The following NR3C2 variants were observed in gnomAD, a reference collection of about 807,000 sequenced individuals.
NR3C2 encodes nuclear receptor subfamily 3 group C member 2.
NR3C2 carries 15 observed loss-of-function variants against 86.4 expected under a neutral mutation model. That is an observed-to-expected ratio of 0.17 (90% CI 0.12 to 0.27). The LOEUF is 0.27. Among genes scored for constraint, NR3C2 ranks in the 10% least tolerant of loss-of-function variants. NR3C2 has a pLI of 1.00. For missense variants in NR3C2, 960 were observed against 1,195.6 expected, an observed-to-expected ratio of 0.80 and a Z score of 2.91; for synonymous variants, 458 against 450.5, an observed-to-expected ratio of 1.02 and a Z score of -0.21.
rs61763136 is a variant in NR3C2, at chr4:148,079,891, C to T, written c.*1453G>A. Reference sequence around the variant, plus strand: ...GCCATGATCTGTGCGTTCCTGTGACCGGTTCCAGGAGTGCAGAACCTCTTT... The same window carrying T: ...GCCATGATCTGTGCGTTCCTGTGACTGGTTCCAGGAGTGCAGAACCTCTTT... On this transcript the variant is annotated 3_prime_UTR_variant, in exon 9 of 9. Coordinates refer to ENST00000358102, the MANE Select transcript of NR3C2 (RefSeq NM_000901.5). 1.3e-5 allele frequency: 2 copies of T among 152,526 alleles called. No individual in the cohort carries two copies. Among genetic ancestry groups the T allele is most frequent in the East Asian group, 1.9e-4 (1 of 5,184 alleles). 9.4% of individuals were successfully genotyped at this position (152,526 alleles called of 1,614,324 possible).
At chr4:148,408,589 T>C (rs1231443704) in intron 2 of NR3C2, among the ~76,000 whole-genome samples, 1 of 152,190 alleles carries the variant, frequency 6.6e-6, no homozygotes, top group Non-Finnish European at 1.5e-5. Flanking sequence ...AATTCAAAGA[T>C]ACTTTCTTTT....
At chr4:148,333,370 AAAAC>A (rs201031744) in intron 2 of NR3C2, among the ~76,000 whole-genome samples, 3,480 of 152,266 alleles carry the variant, frequency 0.023, 139 homozygotes, top group African/African-American at 0.079. Flanking sequence ...ATTCCTAGGA[AAAAC>A]AAACAAACAA....
At chr4:148,363,097 C>T (rs116535151) in intron 2 of NR3C2, among the ~76,000 whole-genome samples, 1,594 of 152,274 alleles carry the variant, frequency 0.01, 24 homozygotes, top group African/African-American at 0.036. Context: ...GGAGAGGACA[C>T]TGCTTTAAAC....
chr4:148,370,873 TG>T (rs1746384910), intron 2 of NR3C2, among the ~76,000 whole-genome samples: 2 of 152,008 alleles, frequency 1.3e-5, no homozygotes, highest in South Asian at 4.2e-4. Context: ...CAATAAGAGA[TG>T]GAAGTTTCTC....
chr4:148,088,220 T>C (rs1410968853), intron 8 of NR3C2, among the ~76,000 whole-genome samples: 1 of 152,208 alleles, frequency 6.6e-6, no homozygotes, highest in Non-Finnish European at 1.5e-5. Context: ...AAACAACAGA[T>C]GCTGGAAAGG....
intron 2 of NR3C2, among the ~76,000 whole-genome samples, chr4:148,363,233 A>T (rs1745929719): frequency 2.6e-5 from 4 of 152,172 alleles, no homozygotes; most frequent in Admixed American, 2.6e-4. Flanking sequence ...TTGCTTTTGT[A>T]TTCTTTTCTG....
At chr4:148,401,421 G>A (rs1579254836) in intron 2 of NR3C2, among the ~76,000 whole-genome samples, 1 of 150,616 alleles carries the variant, frequency 6.6e-6, no homozygotes, top group African/African-American at 2.4e-5. Flanking sequence ...TCTAAATGAT[G>A]CAAGCAGGAG....
At chr4:148,443,413 G>C (rs1169172798), upstream of NR3C2, among the ~76,000 whole-genome samples, 1 of 151,840 alleles carries the variant, frequency 6.6e-6, no homozygotes, top group Non-Finnish European at 1.5e-5. Context: ...CGTTATAATG[G>C]GTGGAGGGGG....
intron 6 of NR3C2, among the ~76,000 whole-genome samples, chr4:148,151,697 C>A (rs1734109515): frequency 6.6e-6 from 1 of 152,186 alleles, no homozygotes; most frequent in African/African-American, 2.4e-5. Context: ...CCTACTGAAA[C>A]CCCTGTTTTC....
chr4:148,324,082 CA>C (rs749526672), intron 2 of NR3C2, among the ~76,000 whole-genome samples: 5 of 152,000 alleles, frequency 3.3e-5, no homozygotes, highest in Non-Finnish European at 7.4e-5. Context: ...CATCATCTAC[CA>C]CCATCACATT....
intron 8 of NR3C2, among the ~76,000 whole-genome samples, chr4:148,091,562 C>A (rs969474104): frequency 1.3e-5 from 2 of 152,238 alleles, no homozygotes; most frequent in Non-Finnish European, 2.9e-5. Flanking sequence ...AGCATGGATA[C>A]TGACCAGCCA....
At chr4:148,264,216 A>G (rs1740264452) in intron 2 of NR3C2, among the ~76,000 whole-genome samples, 1 of 152,230 alleles carries the variant, frequency 6.6e-6, no homozygotes, top group Admixed American at 6.5e-5. Flanking sequence ...AACACAAGAG[A>G]CAGGTCACAA....
At chr4:148,416,156 G>T (rs1748985570) in intron 2 of NR3C2, among the ~76,000 whole-genome samples, 1 of 151,854 alleles carries the variant, frequency 6.6e-6, no homozygotes. Context: ...TTGGCTAATC[G>T]CCAATTCACT....
chr4:148,363,473 G>A (rs116121008), intron 2 of NR3C2, among the ~76,000 whole-genome samples: 1,604 of 134,880 alleles, frequency 0.012, 28 homozygotes, highest in African/African-American at 0.04. Context: ...AGCACTACTC[G>A]TAACCATTAA....
At chr4:148,387,447 T>C (rs767034974) in intron 2 of NR3C2, among the ~76,000 whole-genome samples, 66 of 152,216 alleles carry the variant, frequency 4.3e-4, no homozygotes, top group Admixed American at 2.0e-3. Flanking sequence ...TACATACAGC[T>C]GGAATTATTT....
At chr4:148,134,640 TC>T (rs1733199444) in intron 6 of NR3C2, among the ~76,000 whole-genome samples, 11 of 114,376 alleles carry the variant, frequency 9.6e-5, no homozygotes, top group African/African-American at 1.2e-4. Context: ...TCTCTCTCTC[TC>T]TCTTTTTTTT....
At chr4:148,110,509 C>T (rs1446272418) in intron 8 of NR3C2, among the ~76,000 whole-genome samples, 4 of 152,080 alleles carry the variant, frequency 2.6e-5, no homozygotes, top group African/African-American at 9.7e-5. Flanking sequence ...AAGAAAATTC[C>T]ACAACTGTTG....
At chr4:148,346,134 G>T (rs1236473690) in intron 2 of NR3C2, among the ~76,000 whole-genome samples, 1 of 152,062 alleles carries the variant, frequency 6.6e-6, no homozygotes, top group African/African-American at 2.4e-5. Flanking sequence ...GCAGGGAAAT[G>T]ACCCTTGATG....
intron 8 of NR3C2, among the ~76,000 whole-genome samples, chr4:148,109,129 TGTTTC>T (rs1731934837): frequency 6.6e-6 from 1 of 152,178 alleles, no homozygotes; most frequent in African/African-American, 2.4e-5. Flanking sequence ...TCTGTGGGGC[TGTTTC>T]TTCTTCCATT....
Sources: allele counts gnomAD v4.1 joint callset (sites outside exome capture counted in the v4.1 genomes callset), GRCh38; gene constraint gnomAD v4.1.1; transcripts MANE v1.5; gene names NCBI Gene and HGNC (gene_info 2026-07-23, HGNC 2026-07-21).